The following ZFPM2 variants were observed in gnomAD, a reference collection of about 807,000 sequenced individuals.
The protein encoded by ZFPM2 is zinc finger protein, FOG family member 2.
Under a neutral mutation model 98.6 loss-of-function variants are expected in ZFPM2, and 20 were observed. The ratio of observed to expected loss-of-function variants is 0.20; its 90% CI spans 0.14 to 0.29. The LOEUF (loss-of-function observed/expected upper bound fraction) is 0.29. Ranked by LOEUF, ZFPM2 falls within the 10% of genes least tolerant of loss-of-function variation. ZFPM2 has a pLI of 1.00. For synonymous variants in ZFPM2, 518 were observed against 502.7 expected, an observed-to-expected ratio of 1.03 and a Z score of -0.41; for missense variants, 1,310 against 1,388.6, an observed-to-expected ratio of 0.94 and a Z score of 0.90.
chr8:105,687,604 A>G (rs1810770923), intron 5 of ZFPM2, among the ~76,000 whole-genome samples: 1 of 152,184 alleles, frequency 6.6e-6, no homozygotes, highest in South Asian at 2.1e-4. Flanking sequence ...TATGTGTGTA[A>G]CTGATAACAA....
chr8:105,466,456 A>G (rs1270584741), intron 3 of ZFPM2, among the ~76,000 whole-genome samples: 1 of 152,048 alleles, frequency 6.6e-6, no homozygotes, highest in East Asian at 1.9e-4. Flanking sequence ...AAAATTTGGG[A>G]TGTTAGTGAT....
chr8:105,377,433 A>ACCC (rs1407429930), intron 1 of ZFPM2, among the ~76,000 whole-genome samples: 2 of 151,992 alleles, frequency 1.3e-5, no homozygotes. Flanking sequence ...TACCTGTTAT[A>ACCC]TAGTAGTACT....
At chr8:105,331,435 GTTCCGGTATGGGA>G (rs1400533211) in intron 1 of ZFPM2, among the ~76,000 whole-genome samples, 1 of 151,534 alleles carries the variant, frequency 6.6e-6, no homozygotes, top group African/African-American at 2.4e-5. Context: ...GAACAAGGAG[GTTCCGGTATGGGA>G]TGTTACTAAG....
intron 1 of ZFPM2, among the ~76,000 whole-genome samples, chr8:105,344,061 C>G (rs1246659110): frequency 6.6e-6 from 1 of 152,070 alleles, no homozygotes; most frequent in Admixed American, 6.6e-5. Context: ...AAGGGAACTC[C>G]TCTTTATACA....
chr8:105,501,962 A>G (rs957554802), intron 3 of ZFPM2, among the ~76,000 whole-genome samples: 4 of 152,178 alleles, frequency 2.6e-5, no homozygotes, highest in Admixed American at 6.5e-5. Flanking sequence ...ATGATTTCTG[A>G]TTAATCACCA....
chr8:105,467,378 A>G lies in ZFPM2; in HGVS notation c.301+22997A>G, dbSNP rs574959089. Among the ~76,000 whole-genome samples the G allele has an allele frequency of 2.0e-5, 3 of 152,222 alleles. No homozygotes were observed. In the South Asian group the frequency reaches 6.2e-4, roughly 32 times the overall value. On this transcript the variant is annotated intron_variant, in intron 3 of 7. Transcript: ENST00000407775. ...GTAGGTCTTAAATAAAAGGACACACAAGATACTTATACCCAGCACATAGAG... is the reference window on the plus strand; with the variant it reads ...GTAGGTCTTAAATAAAAGGACACACGAGATACTTATACCCAGCACATAGAG...
chr8:105,325,192 C>T (rs1423655373), intron 1 of ZFPM2, among the ~76,000 whole-genome samples: 5 of 151,778 alleles, frequency 3.3e-5, no homozygotes, highest in Non-Finnish European at 5.9e-5. Flanking sequence ...TACTTCAGTC[C>T]AGAGAATGTG....
chr8:105,351,383 T>TGTGTGTG (rs1341418183), intron 1 of ZFPM2, among the ~76,000 whole-genome samples: 8 of 74,578 alleles, frequency 1.1e-4, no homozygotes, highest in African/African-American at 2.0e-4. Context: ...GTGTGTGTGT[T>TGTGTGTG]TGTGTGTGTG....
intron 5 of ZFPM2, among the ~76,000 whole-genome samples, chr8:105,742,365 G>A (rs1812237286): frequency 1.4e-5 from 2 of 139,856 alleles, no homozygotes; most frequent in South Asian, 4.8e-4. Flanking sequence ...GCAACAGAGT[G>A]AGATCCTGTC....
chr8:105,795,387 A>G (rs918394903), intron 6 of ZFPM2, among the ~76,000 whole-genome samples: 1 of 151,786 alleles, frequency 6.6e-6, no homozygotes, highest in Non-Finnish European at 1.5e-5. Flanking sequence ...CTGATGTTCT[A>G]CATGAGTTCA....
At chr8:105,663,950 G>A (rs545299298) in intron 5 of ZFPM2, among the ~76,000 whole-genome samples, 14 of 152,264 alleles carry the variant, frequency 9.2e-5, no homozygotes, top group South Asian at 2.1e-4. Context: ...TGAAATTTCC[G>A]ATACGTGTCC....
intron 2 of ZFPM2, among the ~76,000 whole-genome samples, chr8:105,441,882 G>T (rs1191323096): frequency 3.3e-5 from 5 of 152,298 alleles, no homozygotes; most frequent in African/African-American, 7.2e-5. Context: ...CAGTCAGGCA[G>T]AAGGGAACTT....
intron 4 of ZFPM2, among the ~76,000 whole-genome samples, chr8:105,600,329 A>G (rs1348979689): frequency 1.3e-5 from 2 of 152,140 alleles, no homozygotes; most frequent in African/African-American, 4.8e-5. Context: ...AAATGTTTGT[A>G]AGATTTCTTT....
chr8:105,732,601 A>G (rs1811966954), intron 5 of ZFPM2, among the ~76,000 whole-genome samples: 1 of 151,880 alleles, frequency 6.6e-6, no homozygotes, highest in African/African-American at 2.4e-5. Flanking sequence ...AAGACATCAA[A>G]TCTTCCAGAA....
In ZFPM2 at chr8:105,456,863, C is replaced by T. The variant is rs187366132; in HGVS notation, c.301+12482C>T. On this transcript the variant is annotated intron_variant, in intron 3 of 7. Coordinates refer to ENST00000407775, the MANE Select transcript of ZFPM2 (RefSeq NM_012082.4). Reference sequence around the variant, plus strand: ...ACTTTTTTGTATTTTTATCAGAGACCGGGTTTCACCGTGTTAGCCAGGACA... The same window carrying T: ...ACTTTTTTGTATTTTTATCAGAGACTGGGTTTCACCGTGTTAGCCAGGACA... 6.9e-3 allele frequency among the ~76,000 whole-genome samples: 1,044 copies of T among 152,036 alleles called. 7 individuals carry two copies. The highest frequency in any genetic ancestry group is 0.033 in the South Asian group (158 of 4,816).
chr8:105,606,416 T>C (rs557761745), intron 4 of ZFPM2, among the ~76,000 whole-genome samples: 2 of 152,008 alleles, frequency 1.3e-5, no homozygotes, highest in Non-Finnish European at 2.9e-5. Flanking sequence ...GGCACTGGAG[T>C]TGAAATGCTT....
chr8:105,378,994 A>G (rs1323627722), intron 1 of ZFPM2, among the ~76,000 whole-genome samples: 1 of 152,188 alleles, frequency 6.6e-6, no homozygotes, highest in Non-Finnish European at 1.5e-5. Flanking sequence ...ATAGGTAGAG[A>G]TATAGGTAGA....
chr8:105,631,248 A>G (rs1816749487), intron 4 of ZFPM2, among the ~76,000 whole-genome samples: 2 of 152,162 alleles, frequency 1.3e-5, no homozygotes, highest in Non-Finnish European at 2.9e-5. Context: ...AGTTTTACCT[A>G]ATACATCAAG....
At chr8:105,742,346 C>T (rs2131035273) in intron 5 of ZFPM2, among the ~76,000 whole-genome samples, 1 of 147,406 alleles carries the variant, frequency 6.8e-6, no homozygotes, top group Non-Finnish European at 1.5e-5. Context: ...CCATTGCACT[C>T]CAGCTTAGGC....
Sources: gnomAD v4.1 joint callset for allele counts (sites outside exome capture counted in the v4.1 genomes callset) on GRCh38, gnomAD v4.1.1 for gene constraint, MANE v1.5 for transcripts, NCBI Gene and HGNC (gene_info 2026-07-23, HGNC 2026-07-21) for gene names.